The following RHBDD1 variants were observed in gnomAD, a reference collection of about 807,000 sequenced individuals.
RHBDD1 encodes rhomboid domain containing 1.
In RHBDD1, 38 loss-of-function variants were observed where a neutral mutation model predicts 36.3. That is an observed-to-expected ratio of 1.05 (90% CI 0.81 to 1.37). The LOEUF (loss-of-function observed/expected upper bound fraction) is 1.37. Among genes scored for constraint, RHBDD1 ranks in the 40% most tolerant of loss-of-function variants. The probability of loss-of-function intolerance (pLI) is 0.00; values close to 1 mark genes in which losing one functional copy is unlikely to be tolerated. For synonymous variants in RHBDD1, 151 were observed against 136.5 expected (o/e 1.11, Z -0.74); for missense variants, 393 against 377.6 (o/e 1.04, Z -0.34).
chr2:226,979,730 C>T (rs1226848648), intron 8 of RHBDD1, among the ~76,000 whole-genome samples: 2 of 152,218 alleles, frequency 1.3e-5, no homozygotes, highest in Non-Finnish European at 2.9e-5. Context: ...AGTCGCCTGA[C>T]TTGAATGTCG....
chr2:226,961,640 G>A (rs868486095), intron 8 of RHBDD1, among the ~76,000 whole-genome samples: 3 of 152,036 alleles, frequency 2.0e-5, no homozygotes, highest in African/African-American at 7.2e-5. Context: ...TGTGAACCAA[G>A]CCCTAACTGA....
At chr2:226,923,836 T>G (rs1028063420) in intron 8 of RHBDD1, among the ~76,000 whole-genome samples, 3 of 152,054 alleles carry the variant, frequency 2.0e-5, no homozygotes, top group Non-Finnish European at 4.4e-5. Context: ...AATTTCTTCT[T>G]GATTTGTTTT....
At position 226,983,939 on chromosome 2, in the gene RHBDD1, A is replaced by G. The variant is rs191550496; in HGVS notation, c.857-11492A>G. 3.3e-5 allele frequency among the ~76,000 whole-genome samples: 5 copies of G among 152,302 alleles called. No homozygotes were observed. In the East Asian group the frequency reaches 5.8e-4, roughly 18 times the overall value. On this transcript the variant is annotated intron_variant, in intron 8 of 8. Coordinates refer to ENST00000392062, the MANE Select transcript of RHBDD1 (RefSeq NM_001167608.3). ...GATTTGAGAGCCTGGGCAAAACGCA[A>G]TGGTGTGGGGGATCTTGTTATTTGT...
chr2:226,897,909 G>T (rs1947246344), intron 5 of RHBDD1, among the ~76,000 whole-genome samples: 1 of 152,146 alleles, frequency 6.6e-6, no homozygotes, highest in Non-Finnish European at 1.5e-5. Flanking sequence ...AACCCAGGAG[G>T]TAGAGGTTGC....
intron 6 of RHBDD1, among the ~76,000 whole-genome samples, chr2:226,907,860 C>T (rs569767354): frequency 1.9e-4 from 29 of 152,202 alleles, no homozygotes; most frequent in African/African-American, 7.0e-4. Context: ...TGAAAATGTC[C>T]AGTTTTATTG....
chr2:226,840,316 T>C (rs1941472812), intron 3 of RHBDD1, among the ~76,000 whole-genome samples: 1 of 152,218 alleles, frequency 6.6e-6, no homozygotes, highest in South Asian at 2.1e-4. Context: ...GGGATCTACG[T>C]GATGGCCAAC....
At chr2:226,982,186 A>G (rs1955929247) in intron 8 of RHBDD1, among the ~76,000 whole-genome samples, 1 of 152,208 alleles carries the variant, frequency 6.6e-6, no homozygotes, top group Non-Finnish European at 1.5e-5. Context: ...CCCTGCCCCT[A>G]ATGATTTGGT....
At chr2:226,934,124 C>A (rs1184488122) in intron 8 of RHBDD1, among the ~76,000 whole-genome samples, 2 of 152,082 alleles carry the variant, frequency 1.3e-5, no homozygotes, top group African/African-American at 4.8e-5. Context: ...CAGCAACAGA[C>A]CACATATGTG....
intron 8 of RHBDD1, among the ~76,000 whole-genome samples, chr2:226,989,566 G>A (rs1324132175): frequency 6.6e-6 from 1 of 152,230 alleles, no homozygotes; most frequent in Non-Finnish European, 1.5e-5. Flanking sequence ...TGAGCATGTA[G>A]CAATTGTCCC....
At chr2:226,806,144 G>GA in the RHBDD1 span, among the ~76,000 whole-genome samples, 22,411 of 147,948 alleles carry the variant, frequency 0.15, 2,258 homozygotes, top group African/African-American at 0.29. Context: ...TTTTAAGAAA[G>GA]AAAAAAAAAA....
the RHBDD1 span, among the ~76,000 whole-genome samples, chr2:226,809,848 C>G: frequency 0.13 from 19,407 of 152,186 alleles, 1,573 homozygotes; most frequent in African/African-American, 0.23. Flanking sequence ...AGGTAATTTA[C>G]TGCAAAAGAC....
intron 5 of RHBDD1, among the ~76,000 whole-genome samples, chr2:226,876,602 G>A (rs1352614005): frequency 6.6e-6 from 1 of 152,178 alleles, no homozygotes; most frequent in African/African-American, 2.4e-5. Context: ...TGGATAGCCA[G>A]TGTTTAAGTT....
chr2:226,922,143 A>G (rs539011967), intron 8 of RHBDD1, among the ~76,000 whole-genome samples: 1 of 149,984 alleles, frequency 6.7e-6, no homozygotes, highest in African/African-American at 2.4e-5. Context: ...GTTTTGTCTG[A>G]TATAAGCATA....
chr2:226,928,972 A>G (rs1034753959), intron 8 of RHBDD1, among the ~76,000 whole-genome samples: 1 of 152,108 alleles, frequency 6.6e-6, no homozygotes, highest in Non-Finnish European at 1.5e-5. Flanking sequence ...GAAATCCTGA[A>G]CAGACCAATA....
In RHBDD1 at chr2:226,998,849, C is replaced by T. The variant is rs1960199222; in HGVS notation, c.*3327C>T. Reference sequence around the variant, plus strand: ...TTCAACCAGCCTTTGGACCTCAGCCCCATTTATCCATCACAGAGGCTGGTA... The same window carrying T: ...TTCAACCAGCCTTTGGACCTCAGCCTCATTTATCCATCACAGAGGCTGGTA... On this transcript the variant is annotated 3_prime_UTR_variant, in exon 9 of 9. Coordinates refer to ENST00000392062, the MANE Select transcript of RHBDD1 (RefSeq NM_001167608.3). 6.6e-6 allele frequency: 1 copy of T among 152,188 alleles called. No individual in the cohort carries two copies. Among genetic ancestry groups the T allele is most frequent in the Admixed American group, 6.5e-5 (1 of 15,290 alleles). The allele number at this position is 152,188 out of a possible 1,614,324, so 9.4% of individuals were successfully genotyped here.
chr2:226,869,239 A>G, intron 5 of RHBDD1: 3 of 953,046 alleles, frequency 3.1e-6, no homozygotes, highest in Non-Finnish European at 2.5e-6. Flanking sequence ...TGGGAAGTAA[A>G]TGAAATTTCC....
chr2:226,880,127 T>C (rs941052503), intron 5 of RHBDD1, among the ~76,000 whole-genome samples: 2 of 152,192 alleles, frequency 1.3e-5, no homozygotes, highest in Non-Finnish European at 2.9e-5. Context: ...CTTCTGTCTT[T>C]GTATCTACTT....
intron 5 of RHBDD1, among the ~76,000 whole-genome samples, chr2:226,896,957 C>T (rs1323552632): frequency 1.3e-5 from 2 of 152,088 alleles, no homozygotes; most frequent in Non-Finnish European, 2.9e-5. Flanking sequence ...CACGTGCCAC[C>T]ATGCCTGGCT....
chr2:226,996,719 G>A lies in RHBDD1; in HGVS notation c.*1197G>A, dbSNP rs1243794327. 1 of 152,204 alleles carries A rather than the reference G, an allele frequency of 6.6e-6. No homozygotes were observed. Among genetic ancestry groups the A allele is most frequent in the Non-Finnish European group, 1.5e-5 (1 of 68,032 alleles). 9.4% of individuals were successfully genotyped at this position (152,204 alleles called of 1,614,324 possible). A position where few individuals can be genotyped will look rare whatever the true frequency, so the allele number is the denominator to read the frequency against. On this transcript the variant is annotated 3_prime_UTR_variant, in exon 9 of 9. Transcript: ENST00000392062. ...TTAGCAGGGGTTATCTTTGGGAGTG[G>A]AGTACATGGGATTTTGCTTTCTTCA...
Sources: allele counts gnomAD v4.1 joint callset (sites outside exome capture counted in the v4.1 genomes callset), GRCh38; gene constraint gnomAD v4.1.1; transcripts MANE v1.5; gene names NCBI Gene and HGNC (gene_info 2026-07-23, HGNC 2026-07-21).